The following LAMA2 variants were observed in gnomAD, a reference collection of about 807,000 sequenced individuals.
The protein encoded by LAMA2 is laminin subunit alpha 2, also known as laminin subunit alpha-2.
A neutral mutation model predicts 364.8 loss-of-function variants in LAMA2; 269 were observed. That is an observed-to-expected ratio of 0.74 (90% CI 0.67 to 0.82). The LOEUF is 0.82. Among genes scored for constraint, LAMA2 ranks in the 40% least tolerant of loss-of-function variants. LAMA2 has a pLI of 0.00. For synonymous variants in LAMA2, 1,379 were observed against 1,370.6 expected (o/e 1.01, Z -0.14); for missense variants, 3,807 against 3,873.2 (o/e 0.98, Z 0.45).
chr6:129,260,874 C>T, intron 15 of LAMA2, 52 bp downstream of exon 15: 1 of 1,020,202 alleles, frequency 9.8e-7, no homozygotes, highest in Non-Finnish European at 1.6e-6. Context: ...CTCAACATTG[C>T]TTTCAATAAC....
At chr6:129,124,841 C>T (rs1402419841) in intron 4 of LAMA2, among the ~76,000 whole-genome samples, 8 of 152,124 alleles carry the variant, frequency 5.3e-5, no homozygotes, top group African/African-American at 1.4e-4. Context: ...ACCTTGTACA[C>T]GTTAAGTGTC....
rs149690300 is a variant in LAMA2, at chr6:129,500,442, A to G, written c.8245-2217A>G. ...GTTTGGTACAACTCTTTTCCATAAC[A>G]TTGGCTCATCTGAGAATACCGTTTT... On this transcript the variant is annotated intron_variant, in intron 58 of 64. Transcript: ENST00000421865. Among the ~76,000 whole-genome samples, 706 of 152,310 alleles carry G rather than the reference A, an allele frequency of 4.6e-3. 6 individuals are homozygous for G. The highest frequency in any genetic ancestry group is 0.016 in the African/African-American group (666 of 41,562).
In LAMA2 at chr6:128,883,269, C is replaced by T. The variant is rs751119966; in HGVS notation, c.24C>T (p.Leu8=). 1.3e-5 allele frequency: 20 copies of T among 1,562,624 alleles called. No homozygotes were observed. The highest frequency in any genetic ancestry group is 1.7e-5 in the Non-Finnish European group (20 of 1,153,606). ...CGATGCCGGGAGCCGCCGGGGTCCT[C>T]CTCCTTCTGCTGCTCTCCGGAGGCC... is the stretch of plus-strand genomic sequence containing the variant. MPGAAGV[L]LLLLLSGGLG... Residue 8 remains leucine, a synonymous_variant, in exon 1 of 65, where the codon CTC becomes CTT. Transcript: ENST00000421865.
At chr6:129,040,048 G>C (rs1481181750) in intron 1 of LAMA2, among the ~76,000 whole-genome samples, 1 of 152,098 alleles carries the variant, frequency 6.6e-6, no homozygotes, top group Non-Finnish European at 1.5e-5. Flanking sequence ...CTGAATTTGA[G>C]GTAGAGACAA....
intron 58 of LAMA2, among the ~76,000 whole-genome samples, chr6:129,494,553 A>T (rs566423663): frequency 6.6e-6 from 1 of 152,316 alleles, no homozygotes; most frequent in South Asian, 2.1e-4. Context: ...CAGGCATTTC[A>T]TATCTGTTAT....
At chr6:129,491,338 T>G (rs966472743) in intron 56 of LAMA2, among the ~76,000 whole-genome samples, 2 of 152,172 alleles carry the variant, frequency 1.3e-5, no homozygotes, top group African/African-American at 4.8e-5. Context: ...TTAGGAAAAT[T>G]AATGAAACAG....
intron 12 of LAMA2, among the ~76,000 whole-genome samples, chr6:129,198,909 T>C (rs908900795): frequency 3.9e-5 from 6 of 152,154 alleles, no homozygotes; most frequent in Non-Finnish European, 7.4e-5. Flanking sequence ...AGCCTATTGA[T>C]TTGCAAGTAA....
At chr6:129,476,616 T>C (rs896092761) in intron 53 of LAMA2, among the ~76,000 whole-genome samples, 25 of 152,190 alleles carry the variant, frequency 1.6e-4, no homozygotes, top group Non-Finnish European at 2.8e-4. Flanking sequence ...ATAAACTATA[T>C]AACTTGTAGG....
At chr6:129,414,098 C>T (rs9402124) in intron 40 of LAMA2, among the ~76,000 whole-genome samples, 2 of 151,732 alleles carry the variant, frequency 1.3e-5, no homozygotes, top group Non-Finnish European at 2.9e-5. Context: ...GGAGGATATG[C>T]GCAATTTTAT....
At position 129,492,359 on chromosome 6, in the gene LAMA2, T is replaced by C. The variant is rs758725194; in HGVS notation, c.8120T>C (p.Ile2707Thr). ...ARPVSFKNAD[I>T]GRCAHQKLRE... is the part of the protein sequence containing the mutation. ...CCTGTGTCCTTCAAAAATGCTGACA[T>C]TGGTCGCTGTGCCCATCAGAAACTC... Residue 2707 changes from isoleucine to threonine, a missense_variant, in exon 58 of 65, where the codon ATT becomes ACT. Physicochemically the swap from Ile to Thr is moderately conservative, Grantham distance 89. Around this residue, in one of 3 missense-constraint regions of LAMA2, gnomAD observed 3,333 missense variants for 3,345.7 expected, o/e 1.00. Coordinates refer to ENST00000421865, the MANE Select transcript of LAMA2 (RefSeq NM_000426.4). 20 of 1,614,176 alleles carry C rather than the reference T, an allele frequency of 1.2e-5. No homozygotes were observed. The South Asian group carries it at 2.1e-4, about 17-fold the overall frequency.
At chr6:129,428,715 GA>G (rs761733352) in intron 41 of LAMA2, among the ~76,000 whole-genome samples, 2 of 152,110 alleles carry the variant, frequency 1.3e-5, no homozygotes, top group East Asian at 3.9e-4. Flanking sequence ...AAAGTGCTGA[GA>G]TTACAGATGT....
chr6:129,238,662 A>G (rs967326399), intron 12 of LAMA2, among the ~76,000 whole-genome samples: 4 of 152,092 alleles, frequency 2.6e-5, no homozygotes, highest in Admixed American at 2.0e-4. Context: ...TATATAAATC[A>G]AGGATGCACT....
intron 38 of LAMA2, 73 bp downstream of exon 38, chr6:129,401,413 G>C (rs1022879018): frequency 1.1e-6 from 1 of 929,658 alleles, no homozygotes; most frequent in Non-Finnish European, 1.8e-6. Context: ...CTCAGTAATA[G>C]AAGCAAATAC....
intron 8 of LAMA2, among the ~76,000 whole-genome samples, chr6:129,163,498 G>A (rs1779565721): frequency 6.6e-6 from 1 of 152,092 alleles, no homozygotes; most frequent in African/African-American, 2.4e-5. Context: ...GCCAGGCATG[G>A]TGGCAGGCAC....
At chr6:129,367,420 C>A (rs1178894676) in intron 33 of LAMA2, among the ~76,000 whole-genome samples, 1 of 152,142 alleles carries the variant, frequency 6.6e-6, no homozygotes, top group Non-Finnish European at 1.5e-5. Context: ...AGCAAGAATA[C>A]ATAATGACCA....
intron 1 of LAMA2, among the ~76,000 whole-genome samples, chr6:128,894,190 T>G (rs573001304): frequency 2.0e-5 from 3 of 152,164 alleles, no homozygotes; most frequent in Non-Finnish European, 4.4e-5. Flanking sequence ...ATCTTACACC[T>G]GGAAAGAATT....
intron 3 of LAMA2, among the ~76,000 whole-genome samples, chr6:129,065,786 C>A (rs1789256828): frequency 6.6e-6 from 1 of 152,064 alleles, no homozygotes; most frequent in Admixed American, 6.5e-5. Context: ...TGGGAGGGAC[C>A]TGGTGGGAGA....
intron 22 of LAMA2, among the ~76,000 whole-genome samples, chr6:129,308,660 G>T (rs1009346139): frequency 1.4e-4 from 21 of 152,076 alleles, no homozygotes; most frequent in African/African-American, 4.6e-4. Flanking sequence ...AACTCATAGA[G>T]CCTGTATCAG....
intron 52 of LAMA2, among the ~76,000 whole-genome samples, chr6:129,474,615 A>G (rs2114826066): frequency 6.6e-6 from 1 of 152,286 alleles, no homozygotes; most frequent in Admixed American, 6.5e-5. Flanking sequence ...TTGCTTTACA[A>G]GATCATTAAC....
Sources: allele counts gnomAD v4.1 joint callset (sites outside exome capture counted in the v4.1 genomes callset), GRCh38; gene constraint gnomAD v4.1.1; regional missense constraint gnomAD v4.1.1; transcripts MANE v1.5; gene names NCBI Gene and HGNC (gene_info 2026-07-23, HGNC 2026-07-21).